Variants in CSGALNACT1 observed in about 807,000 individuals in gnomAD.
The protein encoded by CSGALNACT1 is beta4GalNAcT-1.
In CSGALNACT1, 52 loss-of-function variants were observed where a neutral mutation model predicts 51.0. That is an observed-to-expected ratio of 1.02 (90% confidence interval 0.82 to 1.29). CSGALNACT1 has a LOEUF of 1.29. CSGALNACT1 is among the 50% of genes most tolerant of loss of function. The probability of loss-of-function intolerance (pLI) is 0.00; values close to 1 mark genes in which losing one functional copy is unlikely to be tolerated. For missense variants in CSGALNACT1, 935 were observed against 679.2 expected, an observed-to-expected ratio of 1.38 and a Z score of -4.19; for synonymous variants, 341 against 254.4, an observed-to-expected ratio of 1.34 and a Z score of -3.24.
intron 4 of CSGALNACT1, among the ~76,000 whole-genome samples, chr8:19,479,167 C>T (rs1050631654): frequency 5.3e-5 from 8 of 152,182 alleles, no homozygotes; most frequent in Non-Finnish European, 1.2e-4. Flanking sequence ...GAGCCATCTG[C>T]GTAACTTGTG....
chr8:19,435,171 T>C (rs1267396097), intron 6 of CSGALNACT1, among the ~76,000 whole-genome samples: 1 of 152,160 alleles, frequency 6.6e-6, no homozygotes, highest in Non-Finnish European at 1.5e-5. Flanking sequence ...TACAATGTGG[T>C]CAATGCCAAT....
At chr8:19,566,584 G>A (rs183827945) in intron 3 of CSGALNACT1, among the ~76,000 whole-genome samples, 42 of 152,166 alleles carry the variant, frequency 2.8e-4, no homozygotes, top group African/African-American at 7.7e-4. Flanking sequence ...AGATGTTTCC[G>A]TTTCTAAGAA....
chr8:19,587,682 A>C (rs1385445178), intron 3 of CSGALNACT1, among the ~76,000 whole-genome samples: 1 of 152,244 alleles, frequency 6.6e-6, no homozygotes, highest in Non-Finnish European at 1.5e-5. Context: ...CTACATGAAC[A>C]GCTAGTGGCA....
At position 19,450,417 on chromosome 8, in the gene CSGALNACT1, T is replaced by A. The variant is rs190502022; in HGVS notation, c.851+8009A>T. ...CAGGAGCTACATTTAAAGCAAACTT[T>A]CCCTGGTGAGCTCCCTCTGTTACCA... On this transcript the variant is annotated intron_variant, in intron 5 of 9. Transcript: ENST00000454498. Among the ~76,000 whole-genome samples, 80 of 152,044 alleles carry A rather than the reference T, an allele frequency of 5.3e-4. No homozygotes were observed. In the East Asian group the frequency reaches 0.013, roughly 25 times the overall value.
chr8:19,439,986 G>A, intron 5 of CSGALNACT1, 55 bp from the exon 5 acceptor site: 1 of 1,410,554 alleles, frequency 7.1e-7, no homozygotes, highest in Non-Finnish European at 1.0e-6. Context: ...GACAGGCACA[G>A]CACAAACCAA....
chr8:19,730,114 T>C (rs2063610175), intron 1 of CSGALNACT1, among the ~76,000 whole-genome samples: 1 of 152,164 alleles, frequency 6.6e-6, no homozygotes, highest in Non-Finnish European at 1.5e-5. Context: ...CAATCTATAA[T>C]CACGACTCTC....
At chr8:19,539,769 G>T (rs17128604) in intron 3 of CSGALNACT1, among the ~76,000 whole-genome samples, 14,216 of 152,170 alleles carry the variant, frequency 0.093, 686 homozygotes, top group South Asian at 0.14. Context: ...CATTGACTGT[G>T]ATTCTCCACC....
At chr8:19,724,293 C>T (rs2063280022) in intron 1 of CSGALNACT1, among the ~76,000 whole-genome samples, 1 of 152,210 alleles carries the variant, frequency 6.6e-6, no homozygotes, top group Non-Finnish European at 1.5e-5. Context: ...AGGAGAGCTG[C>T]ATTCCCTCTG....
intron 6 of CSGALNACT1, among the ~76,000 whole-genome samples, chr8:19,431,047 G>C (rs954277050): frequency 2.6e-5 from 4 of 152,056 alleles, no homozygotes; most frequent in African/African-American, 9.7e-5. Context: ...CAACTTTACT[G>C]AATTTGTTCT....
intron 3 of CSGALNACT1, among the ~76,000 whole-genome samples, chr8:19,557,974 A>C (rs1401631963): frequency 6.6e-6 from 1 of 152,230 alleles, no homozygotes; most frequent in Non-Finnish European, 1.5e-5. Context: ...TAAAAATGAA[A>C]ACATAAACAA....
At chr8:19,743,981 A>G (rs1313872474) in intron 1 of CSGALNACT1, among the ~76,000 whole-genome samples, 1 of 152,228 alleles carries the variant, frequency 6.6e-6, no homozygotes, top group Non-Finnish European at 1.5e-5. Flanking sequence ...AAAAAGACAA[A>G]TGATCCAGAA....
intron 1 of CSGALNACT1, among the ~76,000 whole-genome samples, chr8:19,625,255 T>C (rs1371715061): frequency 6.6e-6 from 1 of 152,204 alleles, no homozygotes; most frequent in Non-Finnish European, 1.5e-5. Flanking sequence ...AACTGCAGTC[T>C]ATTAAGGAGG....
chr8:19,606,912 T>C (rs1778594543), upstream of CSGALNACT1, among the ~76,000 whole-genome samples: 1 of 152,124 alleles, frequency 6.6e-6, no homozygotes, highest in African/African-American at 2.4e-5. Context: ...TCCCAGCACT[T>C]TGGGAGGCGG....
At chr8:19,500,186 A>G (rs2076171458) in intron 4 of CSGALNACT1, among the ~76,000 whole-genome samples, 1 of 152,144 alleles carries the variant, frequency 6.6e-6, no homozygotes, top group African/African-American at 2.4e-5. Flanking sequence ...TCCAGAACAC[A>G]GTGGGGTGAC....
intron 3 of CSGALNACT1, among the ~76,000 whole-genome samples, chr8:19,545,863 TTA>T (rs939284575): frequency 6.7e-6 from 1 of 148,396 alleles, no homozygotes; most frequent in Non-Finnish European, 1.5e-5. Context: ...ATACTATATA[TTA>T]TATATAAGTT....
At chr8:19,748,421 T>C (rs1472947870) in intron 1 of CSGALNACT1, among the ~76,000 whole-genome samples, 1 of 152,126 alleles carries the variant, frequency 6.6e-6, no homozygotes, top group Non-Finnish European at 1.5e-5. Context: ...TTTAAAAAAC[T>C]AAGAATAGAA....
At chr8:19,673,209 C>T (rs528878804) in intron 1 of CSGALNACT1, among the ~76,000 whole-genome samples, 2 of 152,204 alleles carry the variant, frequency 1.3e-5, no homozygotes, top group African/African-American at 4.8e-5. Context: ...ATGCAAGGAA[C>T]AAAGGGGATA....
chr8:19,589,987 G>A (rs1391603564), intron 3 of CSGALNACT1, among the ~76,000 whole-genome samples: 2 of 152,176 alleles, frequency 1.3e-5, no homozygotes, highest in Admixed American at 6.5e-5. Flanking sequence ...ATGCAATACT[G>A]CCCAAGAAGT....
chr8:19,694,217 A>T (rs1291839173), intron 1 of CSGALNACT1, among the ~76,000 whole-genome samples: 2 of 152,312 alleles, frequency 1.3e-5, no homozygotes, highest in Non-Finnish European at 2.9e-5. Flanking sequence ...TTTGGCTACA[A>T]AGATACAACA....
Sources: allele counts gnomAD v4.1 joint callset (sites outside exome capture counted in the v4.1 genomes callset), GRCh38; gene constraint gnomAD v4.1.1; transcripts MANE v1.5; gene names NCBI Gene and HGNC (gene_info 2026-07-23, HGNC 2026-07-21).